DIAPH3: variants seen among roughly 807,000 people sequenced by gnomAD.
DIAPH3 encodes the protein protein diaphanous homolog 3.
In DIAPH3, 117 loss-of-function variants were observed where a neutral mutation model predicts 144.3. The observed-to-expected ratio is 0.81, with a 90% CI of 0.70 to 0.95. DIAPH3 has a LOEUF of 0.95. DIAPH3 is among the 40% of genes least tolerant of loss of function. The probability of loss-of-function intolerance (pLI) is 0.00; values close to 1 mark genes in which losing one functional copy is unlikely to be tolerated. For missense variants in DIAPH3, 1,421 were observed against 1,412.7 expected (o/e 1.01, Z -0.09); for synonymous variants, 519 against 488.9 (o/e 1.06, Z -0.81).
At chr13:60,072,130 T>C (rs1028983137) in intron 4 of DIAPH3, among the ~76,000 whole-genome samples, 4 of 152,118 alleles carry the variant, frequency 2.6e-5, no homozygotes, top group Non-Finnish European at 5.9e-5. Flanking sequence ...CAAATGACCA[T>C]CAGGAACCTC....
At chr13:59,771,819 G>C (rs2038136150) in intron 27 of DIAPH3, among the ~76,000 whole-genome samples, 1 of 151,958 alleles carries the variant, frequency 6.6e-6, no homozygotes, top group South Asian at 2.1e-4. Context: ...TATTTGAGAA[G>C]GTTAAATGGG....
intron 21 of DIAPH3, among the ~76,000 whole-genome samples, chr13:59,877,255 T>C (rs1566453148): frequency 6.6e-6 from 1 of 152,142 alleles, no homozygotes; most frequent in Non-Finnish European, 1.5e-5. Flanking sequence ...TCCCATTAGT[T>C]GCCTAAGGTA....
At chr13:60,019,999 A>C (rs964582713) in intron 5 of DIAPH3, among the ~76,000 whole-genome samples, 2 of 152,312 alleles carry the variant, frequency 1.3e-5, no homozygotes, top group East Asian at 3.9e-4. Flanking sequence ...TAATGGAATT[A>C]ATCTTGGAAT....
intron 4 of DIAPH3, among the ~76,000 whole-genome samples, chr13:60,059,980 T>C (rs753924659): frequency 7.9e-5 from 12 of 152,036 alleles, no homozygotes; most frequent in Non-Finnish European, 1.3e-4. Context: ...TTCCAATCCC[T>C]CCAGGTAATC....
intron 4 of DIAPH3, among the ~76,000 whole-genome samples, chr13:60,066,726 G>A (rs2056982687): frequency 6.6e-6 from 1 of 152,176 alleles, no homozygotes; most frequent in South Asian, 2.1e-4. Flanking sequence ...GAATTCTTGT[G>A]AAAATCAGAA....
At position 59,679,174 on chromosome 13, in the gene DIAPH3, A is replaced by G. The variant is rs557848859; in HGVS notation, c.3320-12328T>C. ...TCCCTTTTAATGAGGAAAATAGTAA[A>G]AGGAATAGGTCAATGTCACTTCAGT... On this transcript the variant is annotated intron_variant, in intron 27 of 27. Transcript: ENST00000400324. 7.2e-5 allele frequency among the ~76,000 whole-genome samples: 11 copies of G among 152,336 alleles called. No individual in the cohort carries two copies. The East Asian group carries it at 1.9e-3, about 27-fold the overall frequency.
intron 27 of DIAPH3, among the ~76,000 whole-genome samples, chr13:59,768,888 T>G (rs1245166069): frequency 6.6e-6 from 1 of 152,214 alleles, no homozygotes; most frequent in East Asian, 1.9e-4. Flanking sequence ...TTATGGATGC[T>G]CTCTAAAAAT....
At chr13:59,692,257 G>A (rs1017255214) in intron 27 of DIAPH3, among the ~76,000 whole-genome samples, 88 of 149,954 alleles carry the variant, frequency 5.9e-4, no homozygotes, top group Admixed American at 6.0e-4. Flanking sequence ...CAAAAGGAAG[G>A]TTGAGGTTTA....
At chr13:59,771,133 A>AT (rs1455653286) in intron 27 of DIAPH3, among the ~76,000 whole-genome samples, 2 of 152,030 alleles carry the variant, frequency 1.3e-5, no homozygotes, top group Non-Finnish European at 2.9e-5. Context: ...CTTTACCAGA[A>AT]TTTTTTTCTA....
At chr13:59,839,221 C>G (rs2042205891) in intron 23 of DIAPH3, 103 bp downstream of exon 23, 1 of 1,398,674 alleles carries the variant, frequency 7.1e-7, no homozygotes, top group Non-Finnish European at 9.9e-7. Flanking sequence ...TGTAATTTGG[C>G]ACTACAGAAT....
intron 20 of DIAPH3, among the ~76,000 whole-genome samples, chr13:59,883,253 T>C (rs1431332887): frequency 6.6e-6 from 1 of 152,166 alleles, no homozygotes; most frequent in Non-Finnish European, 1.5e-5. Context: ...AATCTCATTA[T>C]GGTTCTATTT....
intron 21 of DIAPH3, among the ~76,000 whole-genome samples, chr13:59,877,469 T>C (rs1218975178): frequency 6.6e-6 from 1 of 152,128 alleles, no homozygotes; most frequent in Admixed American, 6.6e-5. Flanking sequence ...GTGCCATATA[T>C]ATGCTGCCAA....
intron 23 of DIAPH3, among the ~76,000 whole-genome samples, chr13:59,836,195 T>C (rs1421048654): frequency 6.6e-6 from 1 of 151,884 alleles, no homozygotes; most frequent in African/African-American, 2.4e-5. Flanking sequence ...CTCCAAATTC[T>C]ATTTGTTCTT....
At chr13:60,143,543 A>G (rs529478882) in intron 1 of DIAPH3, among the ~76,000 whole-genome samples, 1 of 152,300 alleles carries the variant, frequency 6.6e-6, no homozygotes, top group Non-Finnish European at 1.5e-5. Flanking sequence ...CCTTCACAGT[A>G]AGATCCATAT....
At chr13:60,086,053 T>C (rs1343638016) in intron 4 of DIAPH3, among the ~76,000 whole-genome samples, 1 of 152,096 alleles carries the variant, frequency 6.6e-6, no homozygotes, top group Non-Finnish European at 1.5e-5. Flanking sequence ...CCATATCTGA[T>C]GAAGCCTTTT....
At chr13:60,098,080 G>A (rs1446091232) in intron 3 of DIAPH3, among the ~76,000 whole-genome samples, 1 of 152,074 alleles carries the variant, frequency 6.6e-6, no homozygotes, top group Non-Finnish European at 1.5e-5. Flanking sequence ...GAAGGTCAGT[G>A]GGGGAGAAGT....
intron 3 of DIAPH3, among the ~76,000 whole-genome samples, chr13:60,095,368 T>A (rs943427656): frequency 6.6e-6 from 1 of 152,166 alleles, no homozygotes; most frequent in African/African-American, 2.4e-5. Context: ...GTCAGCAATG[T>A]ATGGGCTCTT....
chr13:59,711,893 G>T (rs1049662828), intron 27 of DIAPH3, among the ~76,000 whole-genome samples: 9 of 152,318 alleles, frequency 5.9e-5, no homozygotes, highest in African/African-American at 9.6e-5. Flanking sequence ...AATGGACAAA[G>T]GATGGTATCT....
At chr13:60,137,481 G>A (rs575920722) in intron 1 of DIAPH3, among the ~76,000 whole-genome samples, 4 of 152,228 alleles carry the variant, frequency 2.6e-5, no homozygotes, top group South Asian at 2.1e-4. Context: ...ACAAACCCAG[G>A]AGGTCCACAC....
Sources: gnomAD v4.1 joint callset for allele counts (sites outside exome capture counted in the v4.1 genomes callset) on GRCh38, gnomAD v4.1.1 for gene constraint, MANE v1.5 for transcripts, NCBI Gene and HGNC (gene_info 2026-07-23, HGNC 2026-07-21) for gene names.